FHIT: variants seen among roughly 807,000 people sequenced by gnomAD.
FHIT encodes fragile histidine triad diadenosine triphosphatase, also known as bis(5'-adenosyl)-triphosphatase.
Under a neutral mutation model 17.9 loss-of-function variants are expected in FHIT, and 19 were observed. The observed-to-expected ratio is 1.06, with a 90% CI of 0.74 to 1.56. FHIT has a LOEUF of 1.56. Ranked by LOEUF, FHIT falls within the 40% of genes most tolerant of loss-of-function variation. The pLI, the probability that FHIT is intolerant of heterozygous loss-of-function variation, is 0.00. For missense variants in FHIT, 248 were observed against 189.2 expected (o/e 1.31, Z -1.82); for synonymous variants, 81 against 69.7 (o/e 1.16, Z -0.81).
intron 7 of FHIT, among the ~76,000 whole-genome samples, chr3:59,926,563 T>C (rs1705671652): frequency 6.6e-6 from 1 of 152,176 alleles, no homozygotes; most frequent in Non-Finnish European, 1.5e-5. Flanking sequence ...CAGGACTCAA[T>C]TTAAGGCTGT....
intron 5 of FHIT, among the ~76,000 whole-genome samples, chr3:60,208,435 T>A (rs2107510524): frequency 6.6e-6 from 1 of 152,286 alleles, no homozygotes; most frequent in South Asian, 2.1e-4. Flanking sequence ...CATATAAAAG[T>A]CAAACTTTTC....
chr3:60,207,644 C>A (rs1482250840), intron 5 of FHIT, among the ~76,000 whole-genome samples: 1 of 152,118 alleles, frequency 6.6e-6, no homozygotes, highest in Non-Finnish European at 1.5e-5. Flanking sequence ...ACTACCGTGA[C>A]ACTCAATAAA....
intron 8 of FHIT, among the ~76,000 whole-genome samples, chr3:59,774,300 A>G (rs1347754104): frequency 6.6e-6 from 1 of 152,240 alleles, no homozygotes; most frequent in East Asian, 1.9e-4. Context: ...GAAACTGAAT[A>G]GCCTGAAGAG....
intron 2 of FHIT, among the ~76,000 whole-genome samples, chr3:61,154,160 G>A (rs528520413): frequency 1.8e-4 from 27 of 152,264 alleles, no homozygotes; most frequent in African/African-American, 5.8e-4. Context: ...TACCAGGCTC[G>A]CACGTGGCAG....
intron 7 of FHIT, among the ~76,000 whole-genome samples, chr3:59,997,227 C>T (rs1489860944): frequency 1.9e-4 from 29 of 152,098 alleles, no homozygotes; most frequent in Admixed American, 1.8e-3. Flanking sequence ...ATGCCATGTA[C>T]ACAGCCAAAG....
chr3:60,146,282 T>G (rs1700237888), intron 5 of FHIT, among the ~76,000 whole-genome samples: 1 of 150,120 alleles, frequency 6.7e-6, no homozygotes, highest in Admixed American at 6.6e-5. Context: ...AGGAGGGGGC[T>G]GACTTGCAGC....
At chr3:60,659,759 T>C (rs2040197610) in intron 4 of FHIT, among the ~76,000 whole-genome samples, 1 of 152,204 alleles carries the variant, frequency 6.6e-6, no homozygotes, top group Non-Finnish European at 1.5e-5. Context: ...TCCACAATTA[T>C]AACTTTTTCA....
At chr3:60,550,547 A>G (rs770936141) in intron 4 of FHIT, among the ~76,000 whole-genome samples, 8 of 152,094 alleles carry the variant, frequency 5.3e-5, no homozygotes, top group Non-Finnish European at 1.2e-4. Context: ...ACACCTAGGT[A>G]TTTCAAAATG....
At chr3:60,876,549 T>A (rs1163989510) in intron 3 of FHIT, among the ~76,000 whole-genome samples, 1 of 152,210 alleles carries the variant, frequency 6.6e-6, no homozygotes, top group Non-Finnish European at 1.5e-5. Context: ...ACAAAGAAAG[T>A]AAAATTGTTA....
At chr3:60,042,872 G>T (rs1701498857) in intron 5 of FHIT, among the ~76,000 whole-genome samples, 1 of 152,100 alleles carries the variant, frequency 6.6e-6, no homozygotes, top group Non-Finnish European at 1.5e-5. Flanking sequence ...AAGTGGAAAG[G>T]TACCATTGTC....
intron 5 of FHIT, among the ~76,000 whole-genome samples, chr3:60,199,612 T>G (rs1702805591): frequency 6.6e-6 from 1 of 152,170 alleles, no homozygotes; most frequent in Non-Finnish European, 1.5e-5. Flanking sequence ...AGGCCTACAA[T>G]TCTGTAGTTT....
At chr3:60,432,423 T>A (rs1456256260) in intron 5 of FHIT, among the ~76,000 whole-genome samples, 1 of 152,110 alleles carries the variant, frequency 6.6e-6, no homozygotes, top group South Asian at 2.1e-4. Context: ...TGAGGGAACA[T>A]GCTTCCATCC....
intron 2 of FHIT, among the ~76,000 whole-genome samples, chr3:61,195,284 GA>G (rs201555246): frequency 4.7e-5 from 7 of 149,966 alleles, no homozygotes; most frequent in Admixed American, 6.6e-5. Flanking sequence ...CAAAAAAAAA[GA>G]AAAAAAAATG....
intron 2 of FHIT, among the ~76,000 whole-genome samples, chr3:61,153,003 C>T (rs923032950): frequency 6.6e-6 from 1 of 151,996 alleles, no homozygotes; most frequent in South Asian, 2.1e-4. Flanking sequence ...ATCAGCCGGG[C>T]GTGGTGACAC....
intron 5 of FHIT, among the ~76,000 whole-genome samples, chr3:60,014,676 A>G (rs1310832396): frequency 6.6e-5 from 10 of 152,242 alleles, no homozygotes; most frequent in Admixed American, 6.5e-4. Flanking sequence ...GAGTATAGAC[A>G]TTCTGAAAAT....
intron 2 of FHIT, among the ~76,000 whole-genome samples, chr3:61,183,135 G>C (rs961362930): frequency 6.6e-6 from 1 of 152,180 alleles, no homozygotes; most frequent in African/African-American, 2.4e-5. Flanking sequence ...GAATTCTGTT[G>C]CTTCTTGCCA....
At chr3:59,985,166 C>T (rs1221807112) in intron 7 of FHIT, among the ~76,000 whole-genome samples, 2 of 152,048 alleles carry the variant, frequency 1.3e-5, no homozygotes, top group East Asian at 1.9e-4. Flanking sequence ...AGCTTCTGGA[C>T]ATGGAAAGGA....
At chr3:60,195,918 T>C (rs1326349850) in intron 5 of FHIT, among the ~76,000 whole-genome samples, 1 of 151,956 alleles carries the variant, frequency 6.6e-6, no homozygotes, top group Non-Finnish European at 1.5e-5. Flanking sequence ...AAACTACATA[T>C]TGGGTACCAT....
chr3:61,143,439 T>C (rs1218924584), intron 2 of FHIT, among the ~76,000 whole-genome samples: 1 of 152,220 alleles, frequency 6.6e-6, no homozygotes, highest in Admixed American at 6.5e-5. Context: ...GCTTACACTA[T>C]TGGAAAACCA....
Sources: gnomAD v4.1 joint callset for allele counts (sites outside exome capture counted in the v4.1 genomes callset) on GRCh38, gnomAD v4.1.1 for gene constraint, MANE v1.5 for transcripts, NCBI Gene and HGNC (gene_info 2026-07-23, HGNC 2026-07-21) for gene names.